The following DMD variants were observed in gnomAD, a reference collection of about 807,000 sequenced individuals.
DMD encodes the protein mutant dystrophin.
Under a neutral mutation model 330.1 loss-of-function variants are expected in DMD, and 63 were observed. The ratio of observed to expected loss-of-function variants is 0.19; its 90% CI spans 0.16 to 0.24. DMD has a LOEUF of 0.24. Among genes scored for constraint, DMD ranks in the 10% least tolerant of loss-of-function variants. DMD has a pLI of 1.00. For missense variants in DMD, 3,344 were observed against 2,684.1 expected (o/e 1.25, Z -5.43); for synonymous variants, 1,223 against 959.8 (o/e 1.27, Z -5.07).
intron 1 of DMD, among the ~76,000 whole-genome samples, chrX:33,330,404 C>A (rs2054154592): frequency 9.0e-6 from 1 of 111,583 alleles, no homozygotes; most frequent in South Asian, 3.8e-4. Flanking sequence ...TTTCAGCCCT[C>A]CTTTGTAACC....
intron 19 of DMD, among the ~76,000 whole-genome samples, chrX:32,495,195 T>C (rs5972583): frequency 0.013 from 1,500 of 112,061 alleles, 12 homozygotes; most frequent in Non-Finnish European, 0.022. Context: ...ATTGTGAATA[T>C]GCTGCCTGCT....
chrX:31,368,305 G>A (rs2059367441), intron 60 of DMD, among the ~76,000 whole-genome samples: 1 of 112,199 alleles, frequency 8.9e-6, no homozygotes, highest in Admixed American at 9.4e-5. Flanking sequence ...TTTCCTTTTT[G>A]TATTTATACT....
chrX:32,516,789 A>G, intron 18 of DMD: 1 of 111,916 alleles, frequency 8.9e-6, no homozygotes, highest in Middle Eastern at 4.7e-3. Context: ...GTATACTTGA[A>G]AAAAGACATT....
intron 1 of DMD, among the ~76,000 whole-genome samples, chrX:33,113,167 C>A (rs1240061785): frequency 9.5e-6 from 1 of 105,659 alleles, no homozygotes; most frequent in Non-Finnish European, 1.9e-5. Flanking sequence ...GATTCTCCTG[C>A]CTCAGCCTCC....
intron 34 of DMD, among the ~76,000 whole-genome samples, chrX:32,369,428 G>C (rs1479980037): frequency 9.0e-6 from 1 of 111,496 alleles, no homozygotes; most frequent in Non-Finnish European, 1.9e-5. Flanking sequence ...TCAGGGTTCA[G>C]CTATCGGCTC....
chrX:33,021,234 T>C (rs1048721887), intron 1 of DMD, among the ~76,000 whole-genome samples: 1 of 111,033 alleles, frequency 9.0e-6, no homozygotes, highest in Non-Finnish European at 1.9e-5. Context: ...GAAAAATTAT[T>C]AAAAAACAGC....
chrX:32,404,564 G>A (rs1040678482), intron 30 of DMD, among the ~76,000 whole-genome samples: 4 of 111,298 alleles, frequency 3.6e-5, no homozygotes, highest in Non-Finnish European at 7.5e-5. Context: ...TTAAGCAACA[G>A]GGCCATGTTT....
At chrX:32,359,385 G>A (rs750569780) in intron 37 of DMD, among the ~76,000 whole-genome samples, 2 of 111,938 alleles carry the variant, frequency 1.8e-5, no homozygotes, top group East Asian at 5.6e-4. Context: ...TGAAATTACT[G>A]ATTACAAAGA....
At chrX:32,716,778 A>G (rs2065779272) in intron 7 of DMD, among the ~76,000 whole-genome samples, 1 of 111,345 alleles carries the variant, frequency 9.0e-6, no homozygotes, top group Non-Finnish European at 1.9e-5. Context: ...TCAGATGAAG[A>G]TGAGGAACTT....
chrX:32,979,371 T>A (rs769402070), intron 2 of DMD, among the ~76,000 whole-genome samples: 1 of 112,204 alleles, frequency 8.9e-6, no homozygotes, highest in South Asian at 3.7e-4. Flanking sequence ...TTTTTCATAC[T>A]AGGTAATACA....
intron 44 of DMD, among the ~76,000 whole-genome samples, chrX:32,069,064 G>C (rs2096278685): frequency 9.0e-6 from 1 of 111,580 alleles, no homozygotes; most frequent in South Asian, 3.7e-4. Context: ...AAAGTTTGGG[G>C]GACGTAATTA....
intron 60 of DMD, among the ~76,000 whole-genome samples, chrX:31,384,051 G>A (rs2148741529): frequency 9.0e-6 from 1 of 111,609 alleles, no homozygotes; most frequent in Non-Finnish European, 1.9e-5. Context: ...AAGATAAAAG[G>A]GCCCTGTAAC....
intron 59 of DMD, among the ~76,000 whole-genome samples, chrX:31,445,834 C>T (rs2065229354): frequency 8.9e-6 from 1 of 111,980 alleles, no homozygotes; most frequent in African/African-American, 3.2e-5. Context: ...ATCGAGATGG[C>T]ATTTATGGAT....
chrX:32,007,587 C>G (rs1013091512), intron 44 of DMD, among the ~76,000 whole-genome samples: 1 of 110,834 alleles, frequency 9.0e-6, no homozygotes. Context: ...TATTGGTCTC[C>G]CAGAGACACG....
chrX:32,323,195 G>A (rs2097629187), intron 41 of DMD, among the ~76,000 whole-genome samples: 1 of 111,899 alleles, frequency 8.9e-6, no homozygotes, highest in African/African-American at 3.2e-5. Context: ...AAATAATCTA[G>A]AGATGATATG....
intron 57 of DMD, among the ~76,000 whole-genome samples, chrX:31,483,326 G>A (rs528994311): frequency 8.7e-4 from 97 of 111,626 alleles, no homozygotes; most frequent in African/African-American, 2.9e-3. Context: ...GATTACAGGC[G>A]TGAGCCACCA....
intron 1 of DMD, among the ~76,000 whole-genome samples, chrX:33,053,702 T>G: frequency 8.9e-6 from 1 of 112,019 alleles, no homozygotes; most frequent in East Asian, 2.8e-4. Flanking sequence ...ATTCTAGGTA[T>G]GTTCCAAAAA....
intron 52 of DMD, among the ~76,000 whole-genome samples, chrX:31,705,743 T>C (rs2084136451): frequency 1.8e-5 from 2 of 112,069 alleles, no homozygotes; most frequent in African/African-American, 3.2e-5. Context: ...TTGTTGAATG[T>C]GGAATTATAA....
intron 62 of DMD, among the ~76,000 whole-genome samples, chrX:31,316,522 C>T: frequency 9.0e-6 from 1 of 111,484 alleles, no homozygotes; most frequent in Non-Finnish European, 1.9e-5. Context: ...CTATGAGACA[C>T]AGATGATATC....
Sources: gnomAD v4.1 joint callset for allele counts (sites outside exome capture counted in the v4.1 genomes callset) on GRCh38, gnomAD v4.1.1 for gene constraint, MANE v1.5 for transcripts, NCBI Gene and HGNC (gene_info 2026-07-23, HGNC 2026-07-21) for gene names.